C3orf85: variants seen among roughly 807,000 people sequenced by gnomAD.
The protein encoded by C3orf85 is chromosome 3 open reading frame 85.
Under a neutral mutation model 1.7 loss-of-function variants are expected in C3orf85, and 1 was observed. The observed-to-expected ratio is 0.60, with a 90% CI of 0.21 to 2.86. The LOEUF is 2.86. Ranked by LOEUF, C3orf85 falls within the 30% of genes most tolerant of loss-of-function variation. The pLI is 0.22. For missense variants in C3orf85, 29 were observed against 21.3 expected, an observed-to-expected ratio of 1.36 and a Z score of -0.72; for synonymous variants, 17 against 8.0, an observed-to-expected ratio of 2.13 and a Z score of -1.90.
chr3:109,137,635 G>GTATATATATATATATATATA (rs1436615146), intron 2 of C3orf85, among the ~76,000 whole-genome samples: 2 of 48,796 alleles, frequency 4.1e-5, no homozygotes, highest in Non-Finnish European at 6.2e-5. Flanking sequence ...GTGTGTGTGT[G>GTATATATATATATATATATA]TGTATATATA....
At chr3:109,136,786 C>G in intron 1 of C3orf85, 45 bp downstream of exon 1, 1 of 404,076 alleles carries the variant, frequency 2.5e-6, no homozygotes, top group Middle Eastern at 3.2e-4. Flanking sequence ...CCTGATATAC[C>G]CTAAGGCTTT....
chr3:109,149,572 T>C (rs989158732), intron 3 of C3orf85: 27 of 306,488 alleles, frequency 8.8e-5, no homozygotes, highest in African/African-American at 4.3e-4. Context: ...CACTATGTAA[T>C]GTAGCAAGAC....
chr3:109,148,526 T>C, intron 3 of C3orf85, 140 bp downstream of exon 3: 2 of 611,430 alleles, frequency 3.3e-6, no homozygotes, highest in Non-Finnish European at 5.9e-6. Context: ...CTGCTTTTTC[T>C]TGCCCATGAA....
At chr3:109,145,471 G>A (rs1706788447) in intron 2 of C3orf85, among the ~76,000 whole-genome samples, 1 of 152,118 alleles carries the variant, frequency 6.6e-6, no homozygotes, top group Non-Finnish European at 1.5e-5. Flanking sequence ...CCAGGGGTTG[G>A]GGAGGGGTTA....
intron 3 of C3orf85, 108 bp downstream of exon 3, chr3:109,148,494 C>G: frequency 1.5e-6 from 1 of 676,816 alleles, no homozygotes; most frequent in Non-Finnish European, 2.7e-6. Context: ...GATTTTTCCT[C>G]TCTAGACACT....
intron 2 of C3orf85, among the ~76,000 whole-genome samples, chr3:109,141,182 T>C (rs1342291764): frequency 6.6e-6 from 1 of 152,140 alleles, no homozygotes; most frequent in Non-Finnish European, 1.5e-5. Context: ...AGACGGGGTT[T>C]CACCATGTTG....
intron 3 of C3orf85, chr3:109,149,472 C>T: frequency 5.5e-6 from 1 of 181,028 alleles, no homozygotes; most frequent in Non-Finnish European, 1.1e-5. Context: ...ATTAAGTAGG[C>T]TGGTAGACTG....
chr3:109,147,167 G>A (rs969308744), intron 2 of C3orf85, among the ~76,000 whole-genome samples: 2 of 151,922 alleles, frequency 1.3e-5, no homozygotes, highest in Non-Finnish European at 2.9e-5. Flanking sequence ...CCGAGAAAAC[G>A]CCTACTTGTA....
intron 2 of C3orf85, among the ~76,000 whole-genome samples, chr3:109,137,637 G>GTATATATATATATATATATATATA (rs1553767249): frequency 7.5e-5 from 6 of 79,900 alleles, no homozygotes; most frequent in South Asian, 5.6e-4. Flanking sequence ...GTGTGTGTGT[G>GTATATATATATATATATATATATA]TATATATATA....
chr3:109,147,227 G>A (rs1706810567), intron 2 of C3orf85, among the ~76,000 whole-genome samples: 1 of 152,054 alleles, frequency 6.6e-6, no homozygotes, highest in Non-Finnish European at 1.5e-5. Context: ...AATTCCTTTA[G>A]TGCAATCAAA....
intron 2 of C3orf85, among the ~76,000 whole-genome samples, chr3:109,143,018 G>A (rs942392265): frequency 6.6e-6 from 1 of 152,182 alleles, no homozygotes; most frequent in Non-Finnish European, 1.5e-5. Flanking sequence ...TAGGAGGGCA[G>A]TTTACTCTCA....
Position 109,151,084 on chromosome 3 carries a change from T to A in C3orf85, c.*1190T>A, listed in dbSNP as rs1475049718. Among the ~76,000 whole-genome samples the A allele has an allele frequency of 6.6e-6, 1 of 152,214 alleles. No individual in the cohort carries two copies. The highest frequency in any genetic ancestry group is 1.9e-4 in the East Asian group (1 of 5,190). On this transcript the variant is annotated 3_prime_UTR_variant, in exon 4 of 4. Coordinates refer to ENST00000622536, the MANE Select transcript of C3orf85 (RefSeq NM_001351622.2). ...AATTTAAGGCTAATTTATAACTTAT[T>A]AAGTTAACTGCTATCCATTTCCAAT...
At chr3:109,149,108 T>C (rs1706836328) in intron 3 of C3orf85, 1 of 152,204 alleles carries the variant, frequency 6.6e-6, no homozygotes, top group Admixed American at 6.5e-5. Context: ...TTTCAATTAT[T>C]CATGATCTCC....
intron 2 of C3orf85, among the ~76,000 whole-genome samples, chr3:109,147,081 T>A (rs899021730): frequency 7.2e-5 from 11 of 152,186 alleles, no homozygotes; most frequent in African/African-American, 2.2e-4. Context: ...TTAAATTTTT[T>A]AAAAAATGTT....
rs547531886 is a variant in C3orf85, at chr3:109,147,639, T to C, written c.50-614T>C. On this transcript the variant is annotated intron_variant, in intron 2 of 3. Coordinates refer to ENST00000622536, the MANE Select transcript of C3orf85 (RefSeq NM_001351622.2). ...ATCATCTCTTTTTTCTTCTTAATCCTGGAGTAGGAAGGAGTTGCAAAATAC... is the reference window on the plus strand; with the variant it reads ...ATCATCTCTTTTTTCTTCTTAATCCCGGAGTAGGAAGGAGTTGCAAAATAC... 2.6e-5 allele frequency among the ~76,000 whole-genome samples: 4 copies of C among 152,270 alleles called. No homozygotes were observed. In the South Asian group the frequency reaches 8.3e-4, roughly 32 times the overall value.
chr3:109,142,194 A>C (rs1040924215), intron 2 of C3orf85, among the ~76,000 whole-genome samples: 2 of 152,074 alleles, frequency 1.3e-5, no homozygotes, highest in African/African-American at 4.8e-5. Context: ...TTTTCTCCAG[A>C]TCCTCTTTTG....
Position 109,141,291 on chromosome 3 carries a change from G to A in C3orf85, c.49+4395G>A, listed in dbSNP as rs561544862. On this transcript the variant is annotated intron_variant, in intron 2 of 3. Transcript: ENST00000622536. ...TGTGAGCCACCCCACCTCGGCCCCT[G>A]TTAGACCTCTGAACAGGACACTAGG... 2.0e-5 allele frequency among the ~76,000 whole-genome samples: 3 copies of A among 152,156 alleles called. No individual in the cohort carries two copies. The East Asian group carries it at 5.8e-4, about 29-fold the overall frequency.
rs1416214338 is a variant in C3orf85, at chr3:109,151,086, A to G, written c.*1192A>G. Among the ~76,000 whole-genome samples, 1 of 152,222 alleles carries G rather than the reference A, an allele frequency of 6.6e-6. No homozygotes were observed. Among genetic ancestry groups the G allele is most frequent in the Non-Finnish European group, 1.5e-5 (1 of 68,042 alleles). ...TTTAAGGCTAATTTATAACTTATTA[A>G]GTTAACTGCTATCCATTTCCAATAA... On this transcript the variant is annotated 3_prime_UTR_variant, in exon 4 of 4. Transcript: ENST00000622536.
At position 109,148,384 on chromosome 3, in the gene C3orf85, CA is replaced by C; in HGVS notation, c.182del (p.Gln61ArgfsTer9). The C allele has an allele frequency of 1.4e-6, 1 of 702,572 alleles. No individual in the cohort carries two copies. The highest frequency in any genetic ancestry group is 1.7e-5 in the African/African-American group (1 of 57,322). 43.5% of individuals were successfully genotyped at this position (702,572 alleles called of 1,614,324 possible). A position where few individuals can be genotyped will look rare whatever the true frequency, so the allele number is the denominator to read the frequency against. On this transcript the variant is annotated frameshift_variant and splice_region_variant, in exon 3 of 4. Transcript: ENST00000622536. LOFTEE classifies it low-confidence loss of function (END_TRUNC). ...TGTGTGGGTAAACACACTGGCTAAG[CA>C]GGTATTTGTATTAGAAACAAATGGT... The part of the protein sequence containing the change: ...SDVWVNTLAK[Q>X]ARETWIALKT...
Sources: gnomAD v4.1 joint callset for allele counts (sites outside exome capture counted in the v4.1 genomes callset) on GRCh38, gnomAD v4.1.1 for gene constraint, MANE v1.5 for transcripts, NCBI Gene and HGNC (gene_info 2026-07-23, HGNC 2026-07-21) for gene names.